The following ANO3 variants were observed in gnomAD, a reference collection of about 807,000 sequenced individuals.
ANO3 encodes the protein anoctamin-3.
Under a neutral mutation model 144.8 loss-of-function variants are expected in ANO3, and 99 were observed. That is an observed-to-expected ratio of 0.68 (90% CI 0.58 to 0.81). The LOEUF (loss-of-function observed/expected upper bound fraction) is 0.81. Ranked by LOEUF, ANO3 falls within the 30% of genes least tolerant of loss-of-function variation. ANO3 has a pLI of 0.00. For synonymous variants in ANO3, 414 were observed against 392.6 expected (o/e 1.05, Z -0.64); for missense variants, 905 against 1,202.2 (o/e 0.75, Z 3.66).
chr11:26,247,563 G>A (rs1277904934), intron 1 of ANO3, among the ~76,000 whole-genome samples: 1 of 152,112 alleles, frequency 6.6e-6, no homozygotes, highest in Non-Finnish European at 1.5e-5. Context: ...ACTTGGAGTG[G>A]AAGGAAATGG....
chr11:26,590,227 AAGAGAAAC>A (rs1851404890), intron 14 of ANO3, among the ~76,000 whole-genome samples: 1 of 152,252 alleles, frequency 6.6e-6, no homozygotes, highest in Admixed American at 6.5e-5. Context: ...TAAAGGGAAA[AAGAGAAAC>A]TCATATTTGT....
intron 1 of ANO3, among the ~76,000 whole-genome samples, chr11:26,210,628 T>C (rs771574870): frequency 3.3e-5 from 5 of 152,198 alleles, no homozygotes; most frequent in Non-Finnish European, 7.3e-5. Context: ...TGGAATGTTT[T>C]TGCATTTGTT....
At chr11:26,260,608 G>T (rs75745274) in intron 1 of ANO3, among the ~76,000 whole-genome samples, 3,017 of 152,212 alleles carry the variant, frequency 0.02, 64 homozygotes, top group East Asian at 0.12. Context: ...ACTAGGGCAA[G>T]AAAAGATCCT....
chr11:26,327,369 G>A (rs1055106089), upstream of ANO3, among the ~76,000 whole-genome samples: 2 of 152,156 alleles, frequency 1.3e-5, no homozygotes, highest in Non-Finnish European at 2.9e-5. Flanking sequence ...ATTCATGCTC[G>A]ATGGAAATTG....
At chr11:26,192,655 T>C (rs1004652368) in intron 1 of ANO3, among the ~76,000 whole-genome samples, 8 of 151,856 alleles carry the variant, frequency 5.3e-5, no homozygotes, top group Non-Finnish European at 8.8e-5. Context: ...AGAAGGAGAG[T>C]CCAAAGCTCA....
At chr11:26,475,452 C>T (rs1448627235) in intron 4 of ANO3, among the ~76,000 whole-genome samples, 1 of 151,898 alleles carries the variant, frequency 6.6e-6, no homozygotes. Flanking sequence ...ATTGCTTCCC[C>T]CTTAATAACA....
At chr11:26,484,857 G>A (rs1860380784) in intron 4 of ANO3, among the ~76,000 whole-genome samples, 1 of 152,192 alleles carries the variant, frequency 6.6e-6, no homozygotes, top group African/African-American at 2.4e-5. Flanking sequence ...TGGCCAAGAT[G>A]TGACGTGAAG....
intron 5 of ANO3, among the ~76,000 whole-genome samples, chr11:26,514,121 A>G (rs1265526031): frequency 1.3e-5 from 2 of 151,982 alleles, no homozygotes; most frequent in African/African-American, 4.8e-5. Flanking sequence ...CCCAGTTCAG[A>G]GAAAAACATT....
chr11:26,284,991 T>TAC (rs931927328), intron 1 of ANO3, among the ~76,000 whole-genome samples: 3 of 152,238 alleles, frequency 2.0e-5, no homozygotes, highest in Admixed American at 2.0e-4. Context: ...TCTCTAAATA[T>TAC]ACTTGAATCA....
intron 1 of ANO3, among the ~76,000 whole-genome samples, chr11:26,438,610 A>AAAAAAAAAAAAAAAAAAAAAAAG (rs1565024969): frequency 3.8e-4 from 28 of 73,840 alleles, no homozygotes; most frequent in Non-Finnish European, 5.6e-4. Context: ...AAAAAAAAAG[A>AAAAAAAAAAAAAAAAAAAAAAAG]AAAAAAAAAA....
In ANO3 at chr11:26,520,459, C is replaced by CA. The variant is rs575624148; in HGVS notation, c.692+3539dup. Among the ~76,000 whole-genome samples the CA allele has an allele frequency of 2.8e-3, 429 of 151,820 alleles. 2 individuals carry two copies. The highest frequency in any genetic ancestry group is 9.3e-3 in the African/African-American group (384 of 41,412). On this transcript the variant is annotated intron_variant, in intron 6 of 26. Transcript: ENST00000256737. The stretch of plus-strand genomic sequence containing the variant: ...GAAGTTTCTTCTTTATAATGTTTTT[C>CA]AAAAAAATATGATTATTGCATTGTG...
chr11:26,644,352 T>C (rs1853270844), intron 23 of ANO3, among the ~76,000 whole-genome samples: 1 of 152,216 alleles, frequency 6.6e-6, no homozygotes, highest in African/African-American at 2.4e-5. Flanking sequence ...TATGACATTT[T>C]TTAAAAATAC....
intron 3 of ANO3, among the ~76,000 whole-genome samples, chr11:26,451,449 G>T (rs940548800): frequency 6.6e-6 from 1 of 152,196 alleles, no homozygotes; most frequent in Non-Finnish European, 1.5e-5. Context: ...CACCTGGCTC[G>T]GAGGGTCCTA....
At chr11:26,654,707 T>C (rs2133091906) in intron 24 of ANO3, among the ~76,000 whole-genome samples, 1 of 152,318 alleles carries the variant, frequency 6.6e-6, no homozygotes, top group South Asian at 2.1e-4. Context: ...AGCATTTCAC[T>C]GTTAAATATG....
In ANO3 at chr11:26,565,314, G is replaced by A. The variant is rs182567780; in HGVS notation, c.1447+5535G>A. 1 of 1,610,814 alleles carries A rather than the reference G, an allele frequency of 6.2e-7. No individual in the cohort carries two copies. The highest frequency in any genetic ancestry group is 2.2e-5 in the East Asian group (1 of 44,822). ...CCATCCACTTGGTTCCACTATCAAGGGGGTCACAGATGGAGAAGTTGGTTC... is the reference window on the plus strand; with the variant it reads ...CCATCCACTTGGTTCCACTATCAAGAGGGTCACAGATGGAGAAGTTGGTTC... On this transcript the variant is annotated intron_variant, in intron 14 of 26. Transcript: ENST00000256737.
At chr11:26,388,104 AT>A (rs1377867635) in intron 1 of ANO3, among the ~76,000 whole-genome samples, 1 of 149,922 alleles carries the variant, frequency 6.7e-6, no homozygotes, top group Non-Finnish European at 1.5e-5. Flanking sequence ...ATATTTTTAT[AT>A]TTTTTAACTT....
chr11:26,608,989 G>A (rs1490634845), intron 17 of ANO3, among the ~76,000 whole-genome samples: 1 of 152,160 alleles, frequency 6.6e-6, no homozygotes, highest in African/African-American at 2.4e-5. Context: ...GGAACTCAAC[G>A]GGCTTAAGCA....
At chr11:26,543,555 C>A (rs1297137469) in intron 11 of ANO3, among the ~76,000 whole-genome samples, 1 of 152,032 alleles carries the variant, frequency 6.6e-6, no homozygotes, top group African/African-American at 2.4e-5. Flanking sequence ...GTGTGCTACA[C>A]CTGCTAACTC....
At chr11:26,188,958 T>A (rs938033428) in exon 1 of ANO3, among the ~76,000 whole-genome samples, 3 of 152,112 alleles carry the variant, frequency 2.0e-5, no homozygotes, top group African/African-American at 7.2e-5. Flanking sequence ...AATTCATCCA[T>A]CCTATTGAAG....
Sources: allele counts gnomAD v4.1 joint callset (sites outside exome capture counted in the v4.1 genomes callset), GRCh38; gene constraint gnomAD v4.1.1; transcripts MANE v1.5; gene names NCBI Gene and HGNC (gene_info 2026-07-23, HGNC 2026-07-21).